HIVEP3: variants seen among roughly 807,000 people sequenced by gnomAD.
HIVEP3 encodes HIVEP zinc finger 3.
HIVEP3 carries 49 observed loss-of-function variants against 152.8 expected under a neutral mutation model. The observed-to-expected ratio is 0.32, with a 90% CI of 0.26 to 0.41. The LOEUF is 0.41. HIVEP3 is among the 10% of genes least tolerant of loss of function. The probability of loss-of-function intolerance (pLI) is 1.00; values close to 1 mark genes in which losing one functional copy is unlikely to be tolerated. For synonymous variants in HIVEP3, 1,269 were observed against 1,289.0 expected (o/e 0.98, Z 0.33); for missense variants, 2,790 against 3,103.3 (o/e 0.90, Z 2.40).
chr1:42,010,491 C>T (rs192099428), intron 1 of HIVEP3, among the ~76,000 whole-genome samples: 35 of 152,288 alleles, frequency 2.3e-4, no homozygotes, highest in Non-Finnish European at 4.6e-4. Flanking sequence ...AGAGATTCTT[C>T]TCTTTGGTAC....
chr1:41,837,429 C>T (rs972689268), intron 1 of HIVEP3, among the ~76,000 whole-genome samples: 2 of 152,110 alleles, frequency 1.3e-5, no homozygotes, highest in Non-Finnish European at 2.9e-5. Flanking sequence ...TAGGTTCAAG[C>T]GATTCTCCTG....
intron 5 of HIVEP3, among the ~76,000 whole-genome samples, chr1:41,526,573 A>C: frequency 2.2e-5 from 1 of 45,302 alleles, no homozygotes; most frequent in South Asian, 9.7e-4. Context: ...ACACCCTCAC[A>C]CATACACCCC....
chr1:41,825,817 A>C (rs1431872000), intron 1 of HIVEP3, among the ~76,000 whole-genome samples: 1 of 151,860 alleles, frequency 6.6e-6, no homozygotes, highest in Non-Finnish European at 1.5e-5. Context: ...CATGTTGCCC[A>C]AGCTGGTCTC....
At chr1:41,856,492 A>T (rs1044974426) in intron 1 of HIVEP3, among the ~76,000 whole-genome samples, 1 of 152,150 alleles carries the variant, frequency 6.6e-6, no homozygotes, top group African/African-American at 2.4e-5. Context: ...TTCTCCAAAA[A>T]CATTACAATC....
At chr1:41,552,238 T>G (rs1409904506) in intron 5 of HIVEP3, among the ~76,000 whole-genome samples, 2 of 152,092 alleles carry the variant, frequency 1.3e-5, no homozygotes, top group East Asian at 1.9e-4. Flanking sequence ...TTACTATACT[T>G]TAAGTTTTAG....
intron 1 of HIVEP3, among the ~76,000 whole-genome samples, chr1:41,952,036 T>C (rs1570839459): frequency 6.6e-6 from 1 of 152,160 alleles, no homozygotes; most frequent in Non-Finnish European, 1.5e-5. Context: ...GACTGGAAGA[T>C]TCTGAAGGCA....
intron 1 of HIVEP3, among the ~76,000 whole-genome samples, chr1:41,793,462 C>A (rs17373758): frequency 0.059 from 8,965 of 152,212 alleles, 322 homozygotes; most frequent in Middle Eastern, 0.17. Context: ...AGAAGCTGAT[C>A]CACTGGAGAG....
intron 1 of HIVEP3, among the ~76,000 whole-genome samples, chr1:41,950,525 T>A (rs528205890): frequency 1.3e-5 from 2 of 152,346 alleles, no homozygotes; most frequent in Admixed American, 1.3e-4. Context: ...TTGGCATGGA[T>A]CCATAATAAT....
chr1:41,922,568 TAA>T (rs1644946983), upstream of HIVEP3, among the ~76,000 whole-genome samples: 6 of 152,208 alleles, frequency 3.9e-5, no homozygotes, highest in East Asian at 1.2e-3. Context: ...ATGTAATGAA[TAA>T]AGCCAACAAA....
intron 1 of HIVEP3, among the ~76,000 whole-genome samples, chr1:41,888,321 G>A (rs957733968): frequency 7.9e-5 from 12 of 151,018 alleles, no homozygotes; most frequent in South Asian, 2.1e-4. Flanking sequence ...CAAAGTGCTC[G>A]GATTACAGGC....
At chr1:41,548,263 T>C (rs12409819) in intron 5 of HIVEP3, among the ~76,000 whole-genome samples, 16,726 of 152,198 alleles carry the variant, frequency 0.11, 1,638 homozygotes, top group East Asian at 0.46. Context: ...GAATGACACA[T>C]GCTGTGGTAG....
intron 1 of HIVEP3, among the ~76,000 whole-genome samples, chr1:41,801,757 A>G (rs957828896): frequency 1.3e-5 from 2 of 151,824 alleles, no homozygotes; most frequent in African/African-American, 2.4e-5. Context: ...AAAATAAAAT[A>G]AGATAAAAAA....
intron 2 of HIVEP3, among the ~76,000 whole-genome samples, chr1:41,654,851 G>A (rs1333505020): frequency 6.6e-6 from 1 of 152,162 alleles, no homozygotes; most frequent in Non-Finnish European, 1.5e-5. Context: ...GAGCAAGTCT[G>A]GGTTTGAGTG....
intron 5 of HIVEP3, among the ~76,000 whole-genome samples, chr1:41,566,583 C>T (rs541683509): frequency 3.9e-5 from 6 of 152,284 alleles, no homozygotes; most frequent in South Asian, 4.1e-4. Context: ...CTTAGGACAA[C>T]GCTTACACAG....
Position 41,582,486 on chromosome 1 carries a change from G to A in HIVEP3, c.2312C>T (p.Thr771Met), listed in dbSNP as rs762556103. The A allele has an allele frequency of 9.3e-6, 15 of 1,613,122 alleles. No individual in the cohort carries two copies. The highest frequency in any genetic ancestry group is 1.7e-4 in the Middle Eastern group (1 of 6,058). The change falls in exon 4 of 9, where the codon ACG becomes ATG. Residue 771 changes from threonine (T) to methionine (M), a missense_variant. This residue lies in a region of HIVEP3 where 339 missense variants were observed against 327.0 expected (regional missense o/e 1.04). Transcript: ENST00000372583. The surrounding 1 kb of genome is among the most constrained non-coding windows in gnomAD (Gnocchi z 4.7). ...CTTGGGAGTCCTTGGCTGGAAGCCC[G>A]TGGGTCCCTCCAAGGAGGGCACTGA... ...SKSVPSLEGPTGFQPRTPKPG... is the reference protein window; with the variant it reads ...SKSVPSLEGPMGFQPRTPKPG...
At chr1:41,608,060 C>A (rs904011606) in intron 3 of HIVEP3, among the ~76,000 whole-genome samples, 10 of 152,146 alleles carry the variant, frequency 6.6e-5, no homozygotes, top group Non-Finnish European at 8.8e-5. Flanking sequence ...GTGTGCCCTG[C>A]TAAAATTTCC....
intron 1 of HIVEP3, among the ~76,000 whole-genome samples, chr1:41,862,136 G>C (rs1235887822): frequency 6.6e-6 from 1 of 152,166 alleles, no homozygotes; most frequent in African/African-American, 2.4e-5. Context: ...CCCAAAGGTG[G>C]CACTGACTGG....
intron 2 of HIVEP3, among the ~76,000 whole-genome samples, chr1:41,644,693 C>CT (rs60511656): frequency 0.07 from 5,254 of 74,712 alleles, 336 homozygotes; most frequent in East Asian, 0.3. Flanking sequence ...CATATCTGTT[C>CT]TTTTTTTTTT....
intron 1 of HIVEP3, among the ~76,000 whole-genome samples, chr1:41,881,794 A>G (rs1644266196): frequency 6.6e-6 from 1 of 152,242 alleles, no homozygotes; most frequent in Non-Finnish European, 1.5e-5. Context: ...AATGTGTTTT[A>G]TTATTTGCCT....
Sources: gnomAD v4.1 joint callset for allele counts (sites outside exome capture counted in the v4.1 genomes callset) on GRCh38, gnomAD v4.1.1 for gene constraint, gnomAD v4.1.1 regional missense constraint, Gnocchi (gnomAD v3.1) non-coding constraint, MANE v1.5 for transcripts, NCBI Gene and HGNC (gene_info 2026-07-23, HGNC 2026-07-21) for gene names.